Variants in CPPED1 observed in about 807,000 individuals in gnomAD.
The protein encoded by CPPED1 is calcineurin like phosphoesterase domain containing 1.
A neutral mutation model predicts 28.0 loss-of-function variants in CPPED1; 28 were observed. The ratio of observed to expected loss-of-function variants is 1.00; its 90% confidence interval spans 0.74 to 1.37. The LOEUF (loss-of-function observed/expected upper bound fraction) is 1.37, where lower values mean the gene tolerates loss of function less well. Ranked by LOEUF, CPPED1 falls within the 40% of genes most tolerant of loss-of-function variation. The pLI is 0.00. For synonymous variants in CPPED1, 198 were observed against 180.2 expected (o/e 1.10, Z -0.79); for missense variants, 504 against 416.5 (o/e 1.21, Z -1.83).
At chr16:12,740,288 T>C (rs2141210569) in intron 2 of CPPED1, among the ~76,000 whole-genome samples, 1 of 151,610 alleles carries the variant, frequency 6.6e-6, no homozygotes, top group South Asian at 2.1e-4. Flanking sequence ...TCTACAAAAA[T>C]ACAAAAATTA....
chr16:12,746,947 T>G (rs2080292777), intron 2 of CPPED1, among the ~76,000 whole-genome samples: 1 of 150,018 alleles, frequency 6.7e-6, no homozygotes, highest in Non-Finnish European at 1.5e-5. Flanking sequence ...AAAAATAATC[T>G]AAAAGAAGTG....
intron 3 of CPPED1, among the ~76,000 whole-genome samples, chr16:12,680,973 C>T (rs1323291027): frequency 6.6e-6 from 1 of 152,122 alleles, no homozygotes; most frequent in Non-Finnish European, 1.5e-5. Context: ...TCATAGCCTC[C>T]TCTTGAGATT....
At chr16:12,736,593 A>G (rs146870594) in intron 2 of CPPED1, among the ~76,000 whole-genome samples, 1 of 152,178 alleles carries the variant, frequency 6.6e-6, no homozygotes, top group East Asian at 1.9e-4. Context: ...GAAGGGAATC[A>G]AAGTAAATTC....
chr16:12,781,679 CA>C (rs2080532844), intron 1 of CPPED1, among the ~76,000 whole-genome samples: 1 of 151,982 alleles, frequency 6.6e-6, no homozygotes, highest in Admixed American at 6.6e-5. Context: ...GCTAGACAGC[CA>C]AAAGGAAGCA....
intron 2 of CPPED1, among the ~76,000 whole-genome samples, chr16:12,721,475 G>C (rs1412549190): frequency 6.6e-6 from 1 of 152,124 alleles, no homozygotes; most frequent in Non-Finnish European, 1.5e-5. Flanking sequence ...GGCCGGGGCT[G>C]GGCAGGATGG....
intron 1 of CPPED1, among the ~76,000 whole-genome samples, chr16:12,789,027 C>A (rs2080580783): frequency 6.6e-6 from 1 of 152,190 alleles, no homozygotes; most frequent in African/African-American, 2.4e-5. Flanking sequence ...TGCTGTTGGG[C>A]CCAGGCAGCG....
chr16:12,722,118 T>C (rs1282393763), intron 2 of CPPED1, among the ~76,000 whole-genome samples: 3 of 152,188 alleles, frequency 2.0e-5, no homozygotes, highest in Non-Finnish European at 4.4e-5. Context: ...GGAGAACTGA[T>C]GATGATACAC....
intron 1 of CPPED1, among the ~76,000 whole-genome samples, chr16:12,800,486 A>C (rs1183225049): frequency 6.6e-6 from 1 of 151,770 alleles, no homozygotes; most frequent in East Asian, 1.9e-4. Context: ...CAGCCTCTGG[A>C]CAAATCCTTG....
rs757778243 is a variant in CPPED1, at chr16:12,704,645, C to T, written c.694G>A (p.Ala232Thr). The T allele has an allele frequency of 1.2e-6, 2 of 1,610,800 alleles. No individual in the cohort carries two copies. The highest frequency in any genetic ancestry group is 1.3e-5 in the African/African-American group (1 of 74,904). The change falls in exon 3 of 4, where the codon GCA becomes ACA. Residue 232 changes from alanine to threonine, a missense_variant. Physicochemically the swap from Ala to Thr is moderately conservative, Grantham distance 58. Coordinates refer to ENST00000381774, the MANE Select transcript of CPPED1 (RefSeq NM_018340.3). ...CTACCTGCGTGGATGAACTTGTCTG[C>T]CAACTTCTTCCGAGTGGACTTGCTG... ...NLSKSTRKKLADKFIHAGVKV... is the reference protein window; with the variant it reads ...NLSKSTRKKLTDKFIHAGVKV...
chr16:12,778,116 G>C (rs1375339949), intron 2 of CPPED1, among the ~76,000 whole-genome samples: 5 of 151,700 alleles, frequency 3.3e-5, no homozygotes, highest in South Asian at 2.1e-4. Context: ...CACCATGTTG[G>C]CCAGGCTGGT....
intron 2 of CPPED1, among the ~76,000 whole-genome samples, chr16:12,736,823 A>C (rs944921919): frequency 6.6e-6 from 1 of 152,164 alleles, no homozygotes; most frequent in Non-Finnish European, 1.5e-5. Flanking sequence ...GCAGTATATT[A>C]GATGGTGCTA....
intron 2 of CPPED1, among the ~76,000 whole-genome samples, chr16:12,715,764 G>A (rs1192673404): frequency 1.3e-5 from 2 of 152,160 alleles, no homozygotes; most frequent in Non-Finnish European, 2.9e-5. Flanking sequence ...CCGACCTCAG[G>A]TGATCCTCCA....
chr16:12,719,434 G>A (rs2080126520), intron 2 of CPPED1, among the ~76,000 whole-genome samples: 1 of 150,876 alleles, frequency 6.6e-6, no homozygotes, highest in African/African-American at 2.4e-5. Context: ...CCGCCCCCAT[G>A]ATTCAATTAT....
intron 3 of CPPED1, among the ~76,000 whole-genome samples, chr16:12,703,154 A>G (rs76289120): frequency 0.012 from 1,758 of 152,274 alleles, 20 homozygotes; most frequent in Middle Eastern, 0.027. Context: ...TTTCCTTGTC[A>G]TCAAGACAGT....
chr16:12,766,256 T>TATATATATATATATATAGAG, intron 2 of CPPED1, among the ~76,000 whole-genome samples: 5 of 134,252 alleles, frequency 3.7e-5, no homozygotes, highest in African/African-American at 1.0e-4. Context: ...TATATATATA[T>TATATATATATATATATAGAG]AGAGAGAGAG....
intron 3 of CPPED1, among the ~76,000 whole-genome samples, chr16:12,698,277 A>G (rs77040617): frequency 0.029 from 4,490 of 152,242 alleles, 114 homozygotes; most frequent in East Asian, 0.1. Context: ...GGCCTTACAG[A>G]GGTGAATAAG....
At chr16:12,782,795 C>T (rs577845274) in intron 1 of CPPED1, among the ~76,000 whole-genome samples, 37 of 151,888 alleles carry the variant, frequency 2.4e-4, no homozygotes, top group African/African-American at 4.3e-4. Context: ...CGCTTGAACC[C>T]GGAAGGCGGA....
intron 2 of CPPED1, chr16:12,746,078 A>G (rs1178062023): frequency 6.6e-6 from 1 of 152,198 alleles, no homozygotes; most frequent in Non-Finnish European, 1.5e-5. Context: ...TTGTCACGCT[A>G]CAATTCTATG....
intron 2 of CPPED1, among the ~76,000 whole-genome samples, chr16:12,749,559 A>G (rs1413719118): frequency 6.6e-6 from 1 of 152,112 alleles, no homozygotes; most frequent in Non-Finnish European, 1.5e-5. Flanking sequence ...GTTAATGTTA[A>G]TATTTTAACC....
Sources: allele counts gnomAD v4.1 joint callset (sites outside exome capture counted in the v4.1 genomes callset), GRCh38; gene constraint gnomAD v4.1.1; transcripts MANE v1.5; gene names NCBI Gene and HGNC (gene_info 2026-07-23, HGNC 2026-07-21).